The following GON4L variants were observed in gnomAD, a reference collection of about 807,000 sequenced individuals.
GON4L encodes gon-4 like.
GON4L carries 87 observed loss-of-function variants against 211.8 expected under a neutral mutation model. That is an observed-to-expected ratio of 0.41 (90% confidence interval 0.35 to 0.49). The LOEUF (loss-of-function observed/expected upper bound fraction) is 0.49, where lower values mean the gene tolerates loss of function less well. Among genes scored for constraint, GON4L ranks in the 20% least tolerant of loss-of-function variants. GON4L has a pLI of 0.15. For missense variants in GON4L, 2,155 were observed against 2,659.5 expected (o/e 0.81, Z 4.17); for synonymous variants, 875 against 962.6 (o/e 0.91, Z 1.68).
At chr1:155,790,482 TCCTCCTGCCTCAG>T (rs1665422572) in intron 12 of GON4L, among the ~76,000 whole-genome samples, 1 of 152,048 alleles carries the variant, frequency 6.6e-6, no homozygotes, top group African/African-American at 2.4e-5. Context: ...GCTCAAGCGA[TCCTCCTGCCTCAG>T]CCTCCCAAAG....
chr1:155,823,760 G>A (rs1432479119), intron 3 of GON4L, among the ~76,000 whole-genome samples: 1 of 151,926 alleles, frequency 6.6e-6, no homozygotes, highest in Non-Finnish European at 1.5e-5. Flanking sequence ...GGGCATGGTG[G>A]TGTGTCCCTG....
intron 11 of GON4L, among the ~76,000 whole-genome samples, chr1:155,802,771 C>T (rs566103964): frequency 5.7e-4 from 87 of 152,350 alleles, no homozygotes; most frequent in Non-Finnish European, 1.1e-3. Flanking sequence ...GCCTGGGCAA[C>T]ATGGCAAAAC....
Position 155,813,685 on chromosome 1 carries a change from A to C in GON4L, c.1401T>G (p.His467Gln). Residue 467 changes from histidine (H) to glutamine (Q), a missense_variant, in exon 10 of 32, where the codon CAT becomes CAG. This residue lies in a region of GON4L where 551 missense variants were observed against 854.0 expected (regional missense o/e 0.65). Coordinates refer to ENST00000368331, the MANE Select transcript of GON4L (RefSeq NM_001282860.2). ...TRDSTFMEKLHAVDEELASSP... is the reference protein window; with the variant it reads ...TRDSTFMEKLQAVDEELASSP... ...TGGAAGCCAGCTCCTCATCTACCGC[A>C]TGTAACTTCTCCATGAAAGTACTAT... The C allele has an allele frequency of 6.2e-7, 1 of 1,613,856 alleles. No homozygotes were observed. The highest frequency in any genetic ancestry group is 8.5e-7 in the Non-Finnish European group (1 of 1,179,766).
intron 15 of GON4L, among the ~76,000 whole-genome samples, chr1:155,777,192 G>C (rs1426084165): frequency 2.0e-5 from 3 of 152,202 alleles, no homozygotes; most frequent in African/African-American, 7.2e-5. Flanking sequence ...TCCTAATGAT[G>C]TGAAGATACT....
chr1:155,853,078 C>T (rs1438291259), intron 2 of GON4L, among the ~76,000 whole-genome samples, 198 bp downstream of exon 2: 1 of 152,046 alleles, frequency 6.6e-6, no homozygotes, highest in Non-Finnish European at 1.5e-5. Context: ...CACCATTGCA[C>T]TCTAGTCTGG....
At chr1:155,756,898 T>C (rs1661248874) in intron 27 of GON4L, 60 bp downstream of exon 27, 2 of 1,321,902 alleles carry the variant, frequency 1.5e-6, no homozygotes, top group Non-Finnish European at 2.2e-6. Flanking sequence ...CACTGCACTC[T>C]AGTTTGGGTG....
At chr1:155,810,455 C>T (rs1252463016) in intron 10 of GON4L, among the ~76,000 whole-genome samples, 1 of 151,734 alleles carries the variant, frequency 6.6e-6, no homozygotes, top group Non-Finnish European at 1.5e-5. Context: ...CGCCTGTAAT[C>T]CTAGCACTTT....
At chr1:155,767,015 G>A in intron 20 of GON4L, 2 of 550,864 alleles carry the variant, frequency 3.6e-6, no homozygotes, top group East Asian at 3.4e-5. Flanking sequence ...CTTAGCCTGG[G>A]TGGACAGAGC....
chr1:155,851,218 G>A (rs530060578), intron 2 of GON4L, among the ~76,000 whole-genome samples: 37 of 151,990 alleles, frequency 2.4e-4, no homozygotes, highest in African/African-American at 8.7e-4. Context: ...GCTGGGCATG[G>A]TGGCAGACAC....
intron 14 of GON4L, among the ~76,000 whole-genome samples, chr1:155,779,288 A>C (rs1265556564): frequency 6.6e-6 from 1 of 151,846 alleles, no homozygotes; most frequent in East Asian, 1.9e-4. Context: ...AAAAGAAAGA[A>C]AGATAACCTG....
At chr1:155,842,785 C>A (rs1670896368) in intron 2 of GON4L, among the ~76,000 whole-genome samples, 1 of 151,324 alleles carries the variant, frequency 6.6e-6, no homozygotes, top group Non-Finnish European at 1.5e-5. Flanking sequence ...TGCAGTGAGC[C>A]AAGATAGCAC....
At chr1:155,829,955 G>GC (rs1657310846) in intron 2 of GON4L, among the ~76,000 whole-genome samples, 1 of 144,432 alleles carries the variant, frequency 6.9e-6, no homozygotes, top group Non-Finnish European at 1.5e-5. Context: ...CAGTTTTTTT[G>GC]TTTTTTTTTT....
Position 155,777,604 on chromosome 1 carries a change from G to T in GON4L, c.2091+18C>A. 1 of 1,586,074 alleles carries T rather than the reference G, an allele frequency of 6.3e-7. No homozygotes were observed. Among genetic ancestry groups the T allele is most frequent in the South Asian group, 1.1e-5 (1 of 90,474 alleles). ...AAAAAAAAAAATCCAATGTTAACAT[G>T]ACCAAGAAAAGTCCTACCTGCTGCA... is the stretch of plus-strand genomic sequence containing the variant. On this transcript the variant is annotated intron_variant, in intron 15 of 31. Coordinates refer to ENST00000368331, the MANE Select transcript of GON4L (RefSeq NM_001282860.2).
chr1:155,847,095 T>C (rs1226331373), intron 2 of GON4L, among the ~76,000 whole-genome samples: 4 of 152,230 alleles, frequency 2.6e-5, no homozygotes, highest in African/African-American at 9.7e-5. Flanking sequence ...AATTGCTAAA[T>C]GGAATACACA....
At chr1:155,762,122 A>C in intron 23 of GON4L, 68 bp downstream of exon 23, 4 of 1,259,704 alleles carry the variant, frequency 3.2e-6, no homozygotes, top group Non-Finnish European at 4.5e-6. Context: ...TATGTTGAAA[A>C]ACATCTCCCT....
At chr1:155,786,105 C>CAAA (rs1664917619) in intron 12 of GON4L, among the ~76,000 whole-genome samples, 1 of 150,178 alleles carries the variant, frequency 6.7e-6, no homozygotes, top group Non-Finnish European at 1.5e-5. Flanking sequence ...CAAAAAACAA[C>CAAA]AACAACAACA....
chr1:155,835,329 G>A lies in GON4L; in HGVS notation c.506-8301C>T, dbSNP rs59606137. On this transcript the variant is annotated intron_variant, in intron 2 of 31. Transcript: ENST00000368331. ...AAGGACCCAGGGACACAAACACTGC[G>A]GAAGGCCGCAGGGTCCTCTGCCTAG... Among the ~76,000 whole-genome samples the A allele has an allele frequency of 2.9e-3, 439 of 151,904 alleles. 1 individual carries two copies. The highest frequency in any genetic ancestry group is 0.01 in the African/African-American group (423 of 41,344).
At position 155,791,932 on chromosome 1, in the gene GON4L, C is replaced by CATAACATAACATAACATAAT. The variant is rs1553205802; in HGVS notation, c.1747+3117_1747+3118insATTATGTTATGTTATGTTAT. On this transcript the variant is annotated intron_variant, in intron 12 of 31. Coordinates refer to ENST00000368331, the MANE Select transcript of GON4L (RefSeq NM_001282860.2). Reference sequence around the variant, plus strand: ...CATAACATAACATAACATCACATAACATAACATAACATAAAGACAAATAGG... The same window carrying CATAACATAACATAACATAAT: ...CATAACATAACATAACATCACATAACATAACATAACATAACATAATATAACATAACATAAAGACAAATAGG... Among the ~76,000 whole-genome samples, 151 of 133,196 alleles carry CATAACATAACATAACATAAT rather than the reference C, an allele frequency of 1.1e-3. 6 individuals carry two copies. The highest frequency in any genetic ancestry group is 2.0e-3 in the East Asian group (9 of 4,392). The allele number at this position is 133,196 out of a possible 152,430, so 87.4% of individuals were successfully genotyped here.
intron 1 of GON4L, among the ~76,000 whole-genome samples, chr1:155,856,185 G>T (rs1015724335): frequency 2.6e-5 from 4 of 151,796 alleles, no homozygotes; most frequent in Admixed American, 6.6e-5. Flanking sequence ...AACTCTAAGC[G>T]TCTAAGGTTA....
Sources: allele counts gnomAD v4.1 joint callset (sites outside exome capture counted in the v4.1 genomes callset), GRCh38; gene constraint gnomAD v4.1.1; regional missense constraint gnomAD v4.1.1; transcripts MANE v1.5; gene names NCBI Gene and HGNC (gene_info 2026-07-23, HGNC 2026-07-21).